CACNA2D2: variants seen among roughly 807,000 people sequenced by gnomAD.
CACNA2D2 encodes calcium voltage-gated channel auxiliary subunit alpha2delta 2.
A neutral mutation model predicts 166.4 loss-of-function variants in CACNA2D2; 48 were observed. The observed-to-expected ratio is 0.29, with a 90% CI of 0.23 to 0.37. The LOEUF (loss-of-function observed/expected upper bound fraction) is 0.37. CACNA2D2 is among the 10% of genes least tolerant of loss of function. The pLI, the probability that CACNA2D2 is intolerant of heterozygous loss-of-function variation, is 1.00. For missense variants in CACNA2D2, 1,122 were observed against 1,433.0 expected, an observed-to-expected ratio of 0.78 and a Z score of 3.50; for synonymous variants, 561 against 573.7, an observed-to-expected ratio of 0.98 and a Z score of 0.32.
Position 50,375,771 on chromosome 3 carries a change from C to T in CACNA2D2, c.1845+38G>A, listed in dbSNP as rs1222403833. 1.9e-6 allele frequency: 3 copies of T among 1,612,666 alleles called. No individual in the cohort carries two copies. The highest frequency in any genetic ancestry group is 3.3e-5 in the Admixed American group (2 of 59,990). On this transcript the variant is annotated intron_variant, in intron 20 of 37. Coordinates refer to ENST00000424201, the MANE Select transcript of CACNA2D2 (RefSeq NM_006030.4). The surrounding 1 kb of genome is among the most constrained non-coding windows in gnomAD (Gnocchi z 4.0). ...AGGGGGCGCTGGGGTAGAAGGGTGC[C>T]CACCCTGACTCCCTGGCCCCCAGCC...
chr3:50,384,695 G>A (rs1307647848), intron 5 of CACNA2D2, among the ~76,000 whole-genome samples: 1 of 152,224 alleles, frequency 6.6e-6, no homozygotes, highest in African/African-American at 2.4e-5. Flanking sequence ...GCAGGCTCCA[G>A]AATTCTGCTT....
chr3:50,435,427 T>C (rs1258350349), intron 2 of CACNA2D2, among the ~76,000 whole-genome samples: 1 of 151,880 alleles, frequency 6.6e-6, no homozygotes, highest in Non-Finnish European at 1.5e-5. Context: ...TACAGGCTCC[T>C]TCACCACCAG....
rs1434201414 is a variant in CACNA2D2 at position 50,375,590 on chromosome 3, C to T, written c.1907+54G>A. The T allele has an allele frequency of 2.5e-6, 4 of 1,590,778 alleles. No individual in the cohort carries two copies. Among genetic ancestry groups the T allele is most frequent in the Non-Finnish European group, 3.4e-6 (4 of 1,162,854 alleles). On this transcript the variant is annotated intron_variant, in intron 21 of 37. Coordinates refer to ENST00000424201, the MANE Select transcript of CACNA2D2 (RefSeq NM_006030.4). The surrounding 1 kb of genome is among the most constrained non-coding windows in gnomAD (Gnocchi z 4.0). ...GGGAGAGGGAGGGGACAGCTGGGCT[C>T]AGATTCTGGGGCCACCCCACCCTCT...
chr3:50,503,273 G>A lies in CACNA2D2; in HGVS notation c.151C>T (p.Leu51=). ...GCGCCGGGGGCGGCGAGCAGCGGTA[G>A]AAGCGGCAGCAGCAGCCACAGCGGG... ...PRPLWLLLPL[L]PLLAAPGASA... Residue 51 remains leucine (L), a synonymous_variant, in exon 1 of 38, where the codon CTA becomes TTA. Coordinates refer to ENST00000424201, the MANE Select transcript of CACNA2D2 (RefSeq NM_006030.4). 1 of 1,181,090 alleles carries A rather than the reference G, an allele frequency of 8.5e-7. No individual in the cohort carries two copies. Among genetic ancestry groups the A allele is most frequent in the Non-Finnish European group, 1.1e-6 (1 of 951,884 alleles). 73.2% of individuals were successfully genotyped at this position (1,181,090 alleles called of 1,614,324 possible).
Position 50,379,369 on chromosome 3 carries a change from G to T in CACNA2D2, c.1152+63C>A. On this transcript the variant is annotated intron_variant, in intron 11 of 37. Coordinates refer to ENST00000424201, the MANE Select transcript of CACNA2D2 (RefSeq NM_006030.4). The surrounding 1 kb of genome is among the most constrained non-coding windows in gnomAD (Gnocchi z 6.5). ...ACGAGGCCATCCGTCTTGATTTCCT[G>T]GGTACACCAAGCCAGGGCCCTCTAC... is the stretch of plus-strand genomic sequence containing the variant. 2 of 1,583,994 alleles carry T rather than the reference G, an allele frequency of 1.3e-6. No individual in the cohort carries two copies. The highest frequency in any genetic ancestry group is 1.7e-6 in the Non-Finnish European group (2 of 1,158,892).
At chr3:50,406,996 A>G (rs1486488440) in intron 3 of CACNA2D2, among the ~76,000 whole-genome samples, 1 of 151,852 alleles carries the variant, frequency 6.6e-6, no homozygotes, top group Non-Finnish European at 1.5e-5. Context: ...GTGACCAGAG[A>G]GCTCATAATC....
chr3:50,372,774 G>A (rs971453534), intron 22 of CACNA2D2, among the ~76,000 whole-genome samples: 1 of 152,174 alleles, frequency 6.6e-6, no homozygotes, highest in Non-Finnish European at 1.5e-5. Context: ...CAGAGAAGGT[G>A]GGGGAGGCAG....
In CACNA2D2 at chr3:50,375,356, G is replaced by A. The variant is rs587687907; in HGVS notation, c.1907+288C>T. On this transcript the variant is annotated intron_variant, in intron 21 of 37. Coordinates refer to ENST00000424201, the MANE Select transcript of CACNA2D2 (RefSeq NM_006030.4). The surrounding 1 kb of genome is among the most constrained non-coding windows in gnomAD (Gnocchi z 4.0). ...GCACTGACCCAGCCTGACACACAAG[G>A]GACCTCCTCTGCCCTGAGACTGTGA... 4.1e-4 allele frequency among the ~76,000 whole-genome samples: 63 copies of A among 152,306 alleles called. No homozygotes were observed. Among genetic ancestry groups the A allele is most frequent in the African/African-American group, 1.4e-3 (60 of 41,558 alleles).
chr3:50,445,798 G>A (rs1291313453), intron 2 of CACNA2D2, among the ~76,000 whole-genome samples: 1 of 152,190 alleles, frequency 6.6e-6, no homozygotes, highest in Non-Finnish European at 1.5e-5. Flanking sequence ...AAATGCAGGG[G>A]TGGGGTTACC....
chr3:50,387,693 G>A lies in CACNA2D2; in HGVS notation c.466-81C>T, dbSNP rs138533837. ...GACTCCTAGCCCCAAGGCCTGCATG[G>A]CACCCTTAGATTCCTCTGGGGCAGA... On this transcript the variant is annotated intron_variant, in intron 4 of 37. Transcript: ENST00000424201. The A allele has an allele frequency of 1.5e-3, 1,681 of 1,088,590 alleles. 17 individuals carry two copies. In the African/African-American group the frequency reaches 0.019, roughly 13 times the overall value. The allele number at this position is 1,088,590 out of a possible 1,614,324, so 67.4% of individuals were successfully genotyped here. A position where few individuals can be genotyped will look rare whatever the true frequency, so the allele number is the denominator to read the frequency against.
intron 3 of CACNA2D2, among the ~76,000 whole-genome samples, chr3:50,433,620 C>T (rs916356431): frequency 1.3e-5 from 2 of 152,098 alleles, no homozygotes; most frequent in African/African-American, 4.8e-5. Flanking sequence ...CACTCATTTA[C>T]GTATGACCTT....
intron 2 of CACNA2D2, among the ~76,000 whole-genome samples, chr3:50,457,728 C>T (rs1363258007): frequency 6.6e-6 from 1 of 152,204 alleles, no homozygotes; most frequent in Non-Finnish European, 1.5e-5. Flanking sequence ...CAGAGACTTC[C>T]CTCCACCTTT....
At chr3:50,495,608 T>A (rs1698693744) in intron 1 of CACNA2D2, among the ~76,000 whole-genome samples, 1 of 152,196 alleles carries the variant, frequency 6.6e-6, no homozygotes, top group African/African-American at 2.4e-5. Context: ...CATCAAGGGA[T>A]CATCAAGCCA....
intron 3 of CACNA2D2, among the ~76,000 whole-genome samples, chr3:50,433,791 T>C (rs553499854): frequency 1.3e-5 from 2 of 152,178 alleles, no homozygotes; most frequent in African/African-American, 4.8e-5. Context: ...TCTCTGAATA[T>C]AGAGGCCCAG....
intron 23 of CACNA2D2, among the ~76,000 whole-genome samples, chr3:50,369,371 T>G (rs924222470): frequency 1.3e-5 from 2 of 152,234 alleles, no homozygotes; most frequent in African/African-American, 2.4e-5. Flanking sequence ...CTCAGGGTCA[T>G]GTGGGCCACA....
At chr3:50,425,452 G>A (rs1707762755) in intron 3 of CACNA2D2, among the ~76,000 whole-genome samples, 1 of 152,138 alleles carries the variant, frequency 6.6e-6, no homozygotes, top group African/African-American at 2.4e-5. Flanking sequence ...TCTGCACATT[G>A]GGACCCCACA....
chr3:50,443,251 C>A (rs1708689594), intron 2 of CACNA2D2, among the ~76,000 whole-genome samples: 1 of 152,198 alleles, frequency 6.6e-6, no homozygotes, highest in Non-Finnish European at 1.5e-5. Context: ...GGCGTCTGGG[C>A]CCCCTTGCCA....
chr3:50,484,467 T>A (rs953918130), intron 1 of CACNA2D2, among the ~76,000 whole-genome samples: 2 of 152,078 alleles, frequency 1.3e-5, no homozygotes, highest in Non-Finnish European at 2.9e-5. Context: ...GCACCCCCAG[T>A]AGCTTCCCTG....
chr3:50,369,856 C>T (rs978694583), intron 23 of CACNA2D2, among the ~76,000 whole-genome samples: 17 of 152,378 alleles, frequency 1.1e-4, no homozygotes, highest in East Asian at 1.9e-4. Context: ...CGCCTAGACC[C>T]GGCACTGCCG....
Sources: allele counts gnomAD v4.1 joint callset (sites outside exome capture counted in the v4.1 genomes callset), GRCh38; gene constraint gnomAD v4.1.1; non-coding constraint Gnocchi (gnomAD v3.1); transcripts MANE v1.5; gene names NCBI Gene and HGNC (gene_info 2026-07-23, HGNC 2026-07-21).